The following KLHL1 variants were observed in gnomAD, a reference collection of about 807,000 sequenced individuals.
The protein encoded by KLHL1 is kelch like family member 1, also known as kelch-like protein 1.
A neutral mutation model predicts 77.7 loss-of-function variants in KLHL1; 47 were observed. The ratio of observed to expected loss-of-function variants is 0.60; its 90% CI spans 0.48 to 0.77. The LOEUF (loss-of-function observed/expected upper bound fraction) is 0.77. Ranked by LOEUF, KLHL1 falls within the 30% of genes least tolerant of loss-of-function variation. The pLI, the probability that KLHL1 is intolerant of heterozygous loss-of-function variation, is 0.00. For synonymous variants in KLHL1, 360 were observed against 325.2 expected (o/e 1.11, Z -1.15); for missense variants, 925 against 910.8 (o/e 1.02, Z -0.20).
chr13:69,857,445 A>T (rs1307107062), intron 5 of KLHL1, among the ~76,000 whole-genome samples: 7 of 152,008 alleles, frequency 4.6e-5, no homozygotes, highest in African/African-American at 1.7e-4. Flanking sequence ...ACTTATTATT[A>T]TATGCCCCAT....
intron 4 of KLHL1, among the ~76,000 whole-genome samples, chr13:69,935,510 G>A (rs1883160036): frequency 2.0e-5 from 3 of 152,122 alleles, no homozygotes; most frequent in African/African-American, 7.2e-5. Context: ...TAAGAGAATA[G>A]AGAGTTTTGA....
At chr13:70,086,590 AAAAGAAAGAAAGAAAGAAAGAAAGAAAG>A (rs869169817) in intron 1 of KLHL1, among the ~76,000 whole-genome samples, 1 of 85,752 alleles carries the variant, frequency 1.2e-5, no homozygotes, top group Non-Finnish European at 2.1e-5. Flanking sequence ...AAAAAAAAAA[AAAAGAAAGAAAGAAAGAAAGAAAGAAAG>A]AAAGAAAGAA....
intron 6 of KLHL1, chr13:69,802,910 T>C (rs1052141978): frequency 6.6e-6 from 1 of 152,150 alleles, no homozygotes; most frequent in African/African-American, 2.4e-5. Flanking sequence ...ACAATGTCCA[T>C]TGATTATTTT....
chr13:69,799,765 CT>C (rs1877291124), intron 6 of KLHL1, among the ~76,000 whole-genome samples: 1 of 152,058 alleles, frequency 6.6e-6, no homozygotes, highest in Non-Finnish European at 1.5e-5. Context: ...GTTCTCTTGC[CT>C]TTTCTATCTT....
At chr13:70,091,903 G>A (rs564607721) in intron 1 of KLHL1, among the ~76,000 whole-genome samples, 1 of 151,904 alleles carries the variant, frequency 6.6e-6, no homozygotes, top group African/African-American at 2.4e-5. Flanking sequence ...TAAATTTTTT[G>A]CAACTGTTCC....
intron 6 of KLHL1, among the ~76,000 whole-genome samples, chr13:69,837,045 C>T (rs1327264058): frequency 6.6e-6 from 1 of 151,826 alleles, no homozygotes; most frequent in Non-Finnish European, 1.5e-5. Flanking sequence ...AAAACTTACT[C>T]ATATAAAAAG....
In KLHL1 at chr13:70,036,301, G is replaced by A. The variant is rs539019160; in HGVS notation, c.498-60499C>T. Among the ~76,000 whole-genome samples the A allele has an allele frequency of 1.4e-3, 214 of 151,784 alleles. 1 individual carries two copies. The highest frequency in any genetic ancestry group is 4.6e-3 in the African/African-American group (189 of 41,420). On this transcript the variant is annotated intron_variant, in intron 1 of 10. Transcript: ENST00000377844. The stretch of plus-strand genomic sequence containing the variant: ...TATTATAAACAAACACAACATATGT[G>A]CAAAAGAGGACATATAATGTATATG...
intron 1 of KLHL1, among the ~76,000 whole-genome samples, chr13:69,992,626 C>G (rs985271899): frequency 6.6e-6 from 1 of 151,934 alleles, no homozygotes; most frequent in Non-Finnish European, 1.5e-5. Flanking sequence ...GAATTCAAGT[C>G]AATACTTCTG....
chr13:70,078,500 G>A (rs564316819), intron 1 of KLHL1, among the ~76,000 whole-genome samples: 1 of 151,998 alleles, frequency 6.6e-6, no homozygotes, highest in African/African-American at 2.4e-5. Flanking sequence ...ATATGAACTT[G>A]GAGTTATTTG....
intron 2 of KLHL1, among the ~76,000 whole-genome samples, chr13:69,970,015 C>T (rs1159951008): frequency 2.6e-5 from 4 of 152,042 alleles, no homozygotes; most frequent in East Asian, 1.9e-4. Flanking sequence ...TATTTTTTAG[C>T]GAAAGCTGTG....
At chr13:69,948,770 G>T (rs529026176) in intron 3 of KLHL1, among the ~76,000 whole-genome samples, 4 of 152,072 alleles carry the variant, frequency 2.6e-5, no homozygotes, top group Admixed American at 6.6e-5. Context: ...CAAATGCACA[G>T]AGTATCCATC....
At chr13:69,740,352 C>T (rs948030388) in intron 8 of KLHL1, 42 bp downstream of exon 8, 1 of 1,377,246 alleles carries the variant, frequency 7.3e-7, no homozygotes, top group Non-Finnish European at 9.9e-7. Context: ...TACCCAATAA[C>T]TTTTTTTCTA....
At position 69,961,352 on chromosome 13, in the gene KLHL1, A is replaced by G. The variant is rs200511679; in HGVS notation, c.773T>C (p.Ile258Thr). 1.4e-4 allele frequency: 220 copies of G among 1,612,982 alleles called. No individual in the cohort carries two copies. The highest frequency in any genetic ancestry group is 1.7e-4 in the Non-Finnish European group (202 of 1,179,350). The change falls in exon 3 of 11, where the codon ATA (isoleucine) becomes ACA (threonine). Residue 258 changes from isoleucine to threonine, a missense_variant. By Grantham distance (89) the Ile-to-Thr change is moderately conservative. Transcript: ENST00000377844. ...AKQEEIKMEG[I>T]DPNALWDLVQ... ...AAGGTCCCAGAGAGCATTGGGGTCT[A>G]TGCCTTCCATTTTGATCTCCTCTTG...
At chr13:69,878,776 A>G (rs929730002) in intron 5 of KLHL1, among the ~76,000 whole-genome samples, 2 of 152,072 alleles carry the variant, frequency 1.3e-5, no homozygotes, top group African/African-American at 4.8e-5. Flanking sequence ...AATATAAATC[A>G]TGCTGCTATA....
intron 1 of KLHL1, among the ~76,000 whole-genome samples, chr13:70,058,476 T>A (rs933453165): frequency 2.0e-5 from 3 of 152,114 alleles, no homozygotes; most frequent in African/African-American, 7.2e-5. Flanking sequence ...ATCCCACATA[T>A]AGTAGCCACA....
intron 6 of KLHL1, among the ~76,000 whole-genome samples, chr13:69,838,079 G>C (rs1479885147): frequency 1.3e-5 from 2 of 151,532 alleles, no homozygotes; most frequent in African/African-American, 4.8e-5. Flanking sequence ...CAACAAATGA[G>C]AATGTGTCAT....
intron 6 of KLHL1, among the ~76,000 whole-genome samples, chr13:69,833,832 C>A (rs1203796418): frequency 6.8e-6 from 1 of 146,982 alleles, no homozygotes; most frequent in Non-Finnish European, 1.5e-5. Flanking sequence ...CACATGTATA[C>A]ATATATATAT....
chr13:69,757,044 C>T (rs73210482), intron 7 of KLHL1, among the ~76,000 whole-genome samples: 37,440 of 151,984 alleles, frequency 0.25, 4,641 homozygotes, highest in South Asian at 0.31. Flanking sequence ...CTGCTTTGGT[C>T]AGCATTTTTT....
intron 5 of KLHL1, among the ~76,000 whole-genome samples, chr13:69,870,808 T>A (rs1295788857): frequency 6.6e-6 from 1 of 151,844 alleles, no homozygotes; most frequent in Non-Finnish European, 1.5e-5. Flanking sequence ...CTCCTGTAAC[T>A]CTATGTCCGG....
Sources: gnomAD v4.1 joint callset for allele counts (sites outside exome capture counted in the v4.1 genomes callset) on GRCh38, gnomAD v4.1.1 for gene constraint, MANE v1.5 for transcripts, NCBI Gene and HGNC (gene_info 2026-07-23, HGNC 2026-07-21) for gene names.